Variants in SEM1 observed in about 807,000 individuals in gnomAD.
SEM1 encodes 26S proteasome complex subunit SEM1.
SEM1 carries 3 observed loss-of-function variants against 12.7 expected under a neutral mutation model. The observed-to-expected ratio is 0.24, with a 90% CI of 0.11 to 0.61. The LOEUF is 0.61. Ranked by LOEUF, SEM1 falls within the 20% of genes least tolerant of loss-of-function variation. The pLI, the probability that SEM1 is intolerant of heterozygous loss-of-function variation, is 0.88. For missense variants in SEM1, 59 were observed against 81.3 expected (o/e 0.73, Z 1.06); for synonymous variants, 30 against 27.8 (o/e 1.08, Z -0.25).
intron 3 of SEM1, chr7:96,484,780 A>G: frequency 4.2e-6 from 5 of 1,204,482 alleles, no homozygotes; most frequent in Non-Finnish European, 5.5e-6. Context: ...CTCACCATAC[A>G]GAAAAGTTAC....
chr7:96,597,228 C>T (rs763741503), intron 2 of SEM1, among the ~76,000 whole-genome samples: 1 of 152,166 alleles, frequency 6.6e-6, no homozygotes, highest in Non-Finnish European at 1.5e-5. Context: ...ATGTCTTGAA[C>T]TATTAGGAGT....
chr7:96,611,061 A>G (rs923043004), intron 2 of SEM1, among the ~76,000 whole-genome samples: 9 of 152,192 alleles, frequency 5.9e-5, no homozygotes, highest in Non-Finnish European at 8.8e-5. Flanking sequence ...AGAAGTTGAC[A>G]CAACACCCAG....
chr7:96,573,938 T>TA (rs1186173108), intron 2 of SEM1, among the ~76,000 whole-genome samples: 1 of 136,998 alleles, frequency 7.3e-6, no homozygotes, highest in African/African-American at 2.7e-5. Flanking sequence ...TTTTTTTTTT[T>TA]AATATTTTTT....
intron 2 of SEM1, among the ~76,000 whole-genome samples, chr7:96,515,652 T>C (rs1301851054): frequency 1.3e-5 from 2 of 152,080 alleles, no homozygotes; most frequent in Non-Finnish European, 2.9e-5. Context: ...ATAGACTGGA[T>C]TAAGAAAATG....
chr7:96,630,164 C>G (rs1808202370), intron 2 of SEM1, among the ~76,000 whole-genome samples: 1 of 152,110 alleles, frequency 6.6e-6, no homozygotes, highest in African/African-American at 2.4e-5. Context: ...GGCCCTAGGG[C>G]TCTACACTTA....
At position 96,573,087 on chromosome 7, in the gene SEM1, A is replaced by G. The variant is rs987150583; in HGVS notation, c.171-66389T>C. Among the ~76,000 whole-genome samples the G allele has an allele frequency of 6.8e-5, 10 of 146,552 alleles. No individual in the cohort carries two copies. In the Admixed American group the frequency reaches 6.9e-4, roughly 10 times the overall value. On this transcript the variant is annotated intron_variant and NMD_transcript_variant, in intron 2 of 3. Coordinates refer to the SEM1 transcript ENST00000466986. ...TTGTTGGTTTAAAGTCTGTTTCATC[A>G]GAGACTAGGATTGCAACCCCTGTTT...
chr7:96,705,618 G>A (rs1400531641), intron 1 of SEM1, among the ~76,000 whole-genome samples: 1 of 151,988 alleles, frequency 6.6e-6, no homozygotes. Flanking sequence ...ACCAGGTCAG[G>A]AGATCGAGAC....
intron 2 of SEM1, among the ~76,000 whole-genome samples, chr7:96,582,812 G>T (rs1806464609): frequency 6.6e-6 from 1 of 152,136 alleles, no homozygotes; most frequent in South Asian, 2.1e-4. Context: ...TGGGATCGGT[G>T]GTGATATCCC....
At chr7:96,605,410 T>C (rs1266727851) in intron 2 of SEM1, among the ~76,000 whole-genome samples, 1 of 152,214 alleles carries the variant, frequency 6.6e-6, no homozygotes, top group East Asian at 1.9e-4. Context: ...TCATAGTCTA[T>C]TGACACAAAA....
At chr7:96,607,364 T>C (rs1167776503) in intron 2 of SEM1, among the ~76,000 whole-genome samples, 1 of 152,244 alleles carries the variant, frequency 6.6e-6, no homozygotes, top group Non-Finnish European at 1.5e-5. Context: ...TATCTCAAAT[T>C]GGAAGGGAAC....
chr7:96,542,833 T>A lies in SEM1; in HGVS notation c.171-36135A>T, dbSNP rs114642097. ...GGATCTTCATAAACTCAAATATCCT[T>A]TATTTAAGTTAGGTCAATTCATATG... On this transcript the variant is annotated intron_variant and NMD_transcript_variant, in intron 2 of 3. Coordinates refer to the SEM1 transcript ENST00000466986. Among the ~76,000 whole-genome samples, 539 of 152,006 alleles carry A rather than the reference T, an allele frequency of 3.5e-3. 1 individual carries two copies. Among genetic ancestry groups the A allele is most frequent in the African/African-American group, 0.012 (512 of 41,502 alleles).
rs558133734 is a variant in SEM1, at chr7:96,592,982, C to G, written c.171-86284G>C. On this transcript the variant is annotated intron_variant and NMD_transcript_variant, in intron 2 of 3. Transcript: ENST00000466986. ...AGAGAAGGCTCTTCCCTCCTCTCTGCTGTAATTCTCCCATATTAAAAAAAA... is the reference window on the plus strand; with the variant it reads ...AGAGAAGGCTCTTCCCTCCTCTCTGGTGTAATTCTCCCATATTAAAAAAAA... Among the ~76,000 whole-genome samples the G allele has an allele frequency of 5.8e-5, 8 of 136,918 alleles. No individual in the cohort carries two copies. The South Asian group carries it at 1.6e-3, about 28-fold the overall frequency. 89.8% of individuals were successfully genotyped at this position (136,918 alleles called of 152,430 possible).
At chr7:96,684,717 G>A (rs769503248), downstream of SEM1, among the ~76,000 whole-genome samples, 2 of 151,988 alleles carry the variant, frequency 1.3e-5, no homozygotes. Flanking sequence ...GGTTTGAGAA[G>A]GATAATGAAG....
At chr7:96,631,620 A>G (rs1285231289) in intron 2 of SEM1, among the ~76,000 whole-genome samples, 1 of 152,194 alleles carries the variant, frequency 6.6e-6, no homozygotes, top group Non-Finnish European at 1.5e-5. Context: ...AACCTGGGCA[A>G]TACCTTTCAG....
chr7:96,704,394 T>C (rs747923043), intron 1 of SEM1, among the ~76,000 whole-genome samples: 9 of 152,280 alleles, frequency 5.9e-5, no homozygotes, highest in African/African-American at 1.7e-4. Flanking sequence ...CGGTTACTTA[T>C]ACAATTATCC....
At chr7:96,593,988 T>C (rs1806917214) in intron 2 of SEM1, among the ~76,000 whole-genome samples, 1 of 104,296 alleles carries the variant, frequency 9.6e-6, no homozygotes, top group African/African-American at 3.6e-5. Flanking sequence ...ATGAAAAATA[T>C]ATTATTAACA....
chr7:96,558,989 A>G lies in SEM1; in HGVS notation c.171-52291T>C, dbSNP rs552176457. ...ATAAAATCTTTATGTCAGAGTTATT[A>G]AGAGGATTAAATGAGCCAGAATAGT... On this transcript the variant is annotated intron_variant and NMD_transcript_variant, in intron 2 of 3. Coordinates refer to the SEM1 transcript ENST00000466986. 2.0e-5 allele frequency among the ~76,000 whole-genome samples: 3 copies of G among 152,324 alleles called. No homozygotes were observed. The South Asian group carries it at 6.2e-4, about 32-fold the overall frequency.
intron 1 of SEM1, among the ~76,000 whole-genome samples, chr7:96,493,937 G>A (rs556993906): frequency 1.3e-5 from 2 of 151,972 alleles, no homozygotes; most frequent in East Asian, 1.9e-4. Flanking sequence ...ACAACCACAC[G>A]CTAAACTTCT....
chr7:96,673,764 C>A, exon 3 of SEM1: 1 of 765,282 alleles, frequency 1.3e-6, no homozygotes, highest in South Asian at 1.3e-5. Flanking sequence ...GATCTGTTAA[C>A]AGCAGAGGAA....
Sources: allele counts gnomAD v4.1 joint callset (sites outside exome capture counted in the v4.1 genomes callset), GRCh38; gene constraint gnomAD v4.1.1; transcripts MANE v1.5; gene names NCBI Gene and HGNC (gene_info 2026-07-23, HGNC 2026-07-21).